SIGLEC12: variants seen among roughly 807,000 people sequenced by gnomAD.
The protein encoded by SIGLEC12 is sialic acid binding Ig like lectin 12.
Under a neutral mutation model 54.1 loss-of-function variants are expected in SIGLEC12, and 43 were observed. The observed-to-expected ratio is 0.80, with a 90% confidence interval of 0.62 to 1.03. The LOEUF (loss-of-function observed/expected upper bound fraction) is 1.03. Among genes scored for constraint, SIGLEC12 ranks in the 50% least tolerant of loss-of-function variants. The pLI, the probability that SIGLEC12 is intolerant of heterozygous loss-of-function variation, is 0.00. For missense variants in SIGLEC12, 802 were observed against 735.2 expected (o/e 1.09, Z -1.05); for synonymous variants, 357 against 307.6 (o/e 1.16, Z -1.68).
chr19:51,495,992 A>C (rs1210230952), intron 7 of SIGLEC12, among the ~76,000 whole-genome samples: 1 of 152,212 alleles, frequency 6.6e-6, no homozygotes, highest in Admixed American at 6.5e-5. Flanking sequence ...TGGTGATGAC[A>C]CTGGAGTCCA....
rs1990100623 is a variant in SIGLEC12 at position 51,491,583 on chromosome 19, G to A, written c.*58C>T. On this transcript the variant is annotated 3_prime_UTR_variant, in exon 8 of 8. Transcript: ENST00000291707. Reference sequence around the variant, plus strand: ...TGTTAATTCTAAAGGAATCAGTCTCGGGCTTCTTTGCTGCAGGGGTCGTGA... The same window carrying A: ...TGTTAATTCTAAAGGAATCAGTCTCAGGCTTCTTTGCTGCAGGGGTCGTGA... 2.6e-6 allele frequency: 4 copies of A among 1,525,404 alleles called. No individual in the cohort carries two copies. Among genetic ancestry groups the A allele is most frequent in the Non-Finnish European group, 3.6e-6 (4 of 1,102,156 alleles). The allele number at this position is 1,525,404 out of a possible 1,614,324, so 94.5% of individuals were successfully genotyped here.
rs1366797832 is a variant in SIGLEC12, at chr19:51,501,751, C to A, written c.-18G>T. ...AGTAGCATGTGTCGGGTTGGAGGTG[C>A]CAGGGTTGCTGAGGTAAGTCTGTTC... On this transcript the variant is annotated 5_prime_UTR_variant, in exon 1 of 8. Transcript: ENST00000291707. The A allele has an allele frequency of 6.3e-7, 1 of 1,580,290 alleles. No individual in the cohort carries two copies. The highest frequency in any genetic ancestry group is 2.3e-5 in the East Asian group (1 of 44,224).
intron 7 of SIGLEC12, 29 bp downstream of exon 7, chr19:51,496,851 A>T: frequency 6.2e-7 from 1 of 1,608,770 alleles, no homozygotes. Context: ...AAAGCAGGGG[A>T]GAAGGGCTGT....
At chr19:51,497,262 A>G (rs1430584421) in intron 6 of SIGLEC12, 87 bp downstream of exon 6, 1 of 1,254,712 alleles carries the variant, frequency 8.0e-7, no homozygotes, top group Non-Finnish European at 1.1e-6. Context: ...CTCTTGACCC[A>G]TCCAGGTCCT....
At position 51,501,417 on chromosome 19, in the gene SIGLEC12, AG is replaced by A; in HGVS notation, c.316del (p.Leu106Ter). ...LGDPQNKDCT[L>X]SIRDTRESDA... The stretch of plus-strand genomic sequence containing the variant: ...ACTCTCTCTGGTGTCTCTGATGCTC[AG>A]GGTACAATCCTTGTTCTGTGGGTCC... On this transcript the variant is annotated frameshift_variant, in exon 1 of 8. Coordinates refer to ENST00000291707, the MANE Select transcript of SIGLEC12 (RefSeq NM_053003.4). LOFTEE classifies it high-confidence loss of function. 6.2e-7 allele frequency: 1 copy of A among 1,614,184 alleles called. No individual in the cohort carries two copies. Among genetic ancestry groups the A allele is most frequent in the Non-Finnish European group, 8.5e-7 (1 of 1,180,022 alleles).
intron 4 of SIGLEC12, 28 bp from the exon 5 acceptor site, chr19:51,498,315 G>C: frequency 6.4e-7 from 1 of 1,565,602 alleles, no homozygotes; most frequent in East Asian, 2.3e-5. Context: ...GAAGGGCAGA[G>C]AGAGACAAAG....
At chr19:51,494,380 T>C (rs1306598697) in intron 7 of SIGLEC12, among the ~76,000 whole-genome samples, 3 of 152,034 alleles carry the variant, frequency 2.0e-5, no homozygotes, top group African/African-American at 7.2e-5. Context: ...TATTAGAAAA[T>C]GCAAATCAAA....
intron 7 of SIGLEC12, 55 bp downstream of exon 7, chr19:51,496,825 A>T: frequency 6.3e-7 from 1 of 1,592,618 alleles, no homozygotes; most frequent in Non-Finnish European, 8.6e-7. Context: ...ATCCCCTTCC[A>T]TGCCTGGCCT....
chr19:51,499,320 C>T (rs886408015), intron 3 of SIGLEC12, 103 bp from the exon 4 acceptor site: 6 of 1,573,080 alleles, frequency 3.8e-6, no homozygotes, highest in Non-Finnish European at 5.2e-6. Flanking sequence ...CCAGCATCCT[C>T]CTGACCCCCA....
Position 51,501,540 on chromosome 19 carries a change from C to G in SIGLEC12, c.194G>C (p.Arg65Pro), listed in dbSNP as rs201439034. The change falls in exon 1 of 8, where the codon CGG (arginine) becomes CCG (proline). Residue 65 changes from arginine (R) to proline (P), a missense_variant. Coordinates refer to ENST00000291707, the MANE Select transcript of SIGLEC12 (RefSeq NM_053003.4). ...GTTCCGGCTTACATGGTCCCCTGCC[C>G]GGAACCAGTAGCCATGAACTGGATC... ...ASDPVHGYWF[R>P]AGDHVSRNIP... 1.2e-6 allele frequency: 2 copies of G among 1,613,522 alleles called. No homozygotes were observed. The highest frequency in any genetic ancestry group is 1.7e-6 in the Non-Finnish European group (2 of 1,179,800).
At chr19:51,494,922 T>C (rs1401179415) in intron 7 of SIGLEC12, among the ~76,000 whole-genome samples, 1 of 152,162 alleles carries the variant, frequency 6.6e-6, no homozygotes, top group African/African-American at 2.4e-5. Context: ...GTCAAATTCA[T>C]AGGAAAATAA....
chr19:51,495,602 A>G (rs535072172), intron 7 of SIGLEC12, among the ~76,000 whole-genome samples: 34 of 152,338 alleles, frequency 2.2e-4, no homozygotes, highest in African/African-American at 7.9e-4. Context: ...TAAAGCATAT[A>G]TCTATCTTTA....
chr19:51,499,234 C>G lies in SIGLEC12; in HGVS notation c.1088-17G>C. Reference sequence around the variant, plus strand: ...GAGGAGGATCTGGAACAGAAAGACACGGAGTTCCCATCACTTTGAGGACTG... The same window carrying G: ...GAGGAGGATCTGGAACAGAAAGACAGGGAGTTCCCATCACTTTGAGGACTG... On this transcript the variant is annotated splice_polypyrimidine_tract_variant and intron_variant, in intron 3 of 7. Transcript: ENST00000291707. 1.2e-6 allele frequency: 2 copies of G among 1,613,696 alleles called. No homozygotes were observed. The highest frequency in any genetic ancestry group is 1.7e-6 in the Non-Finnish European group (2 of 1,179,738).
intron 7 of SIGLEC12, among the ~76,000 whole-genome samples, chr19:51,493,806 T>C (rs1222009994): frequency 6.6e-6 from 1 of 152,200 alleles, no homozygotes; most frequent in African/African-American, 2.4e-5. Context: ...GCCTCCTCTC[T>C]ATCTTCTCTG....
At chr19:51,493,587 C>A (rs1990159615) in intron 7 of SIGLEC12, among the ~76,000 whole-genome samples, 2 of 152,300 alleles carry the variant, frequency 1.3e-5, no homozygotes, top group South Asian at 4.1e-4. Flanking sequence ...ATCTTTTCTG[C>A]CTCAATGACT....
chr19:51,498,370 G>C, intron 4 of SIGLEC12, 83 bp from the exon 5 acceptor site: 2 of 1,214,406 alleles, frequency 1.6e-6, no homozygotes, highest in Non-Finnish European at 2.3e-6. Context: ...GTGGTGAATG[G>C]AACAGACACT....
chr19:51,501,295 C>A lies in SIGLEC12; in HGVS notation c.427+12G>T. Reference sequence around the variant, plus strand: ...CATTTGCCTTTGGCCTCTCTTGGAGCCCGTGCCTTACCTGTCACATTCACA... The same window carrying A: ...CATTTGCCTTTGGCCTCTCTTGGAGACCGTGCCTTACCTGTCACATTCACA... On this transcript the variant is annotated intron_variant, in intron 1 of 7. Coordinates refer to ENST00000291707, the MANE Select transcript of SIGLEC12 (RefSeq NM_053003.4). The A allele has an allele frequency of 1.2e-6, 2 of 1,613,454 alleles. No individual in the cohort carries two copies. The highest frequency in any genetic ancestry group is 1.7e-6 in the Non-Finnish European group (2 of 1,179,488).
intron 7 of SIGLEC12, among the ~76,000 whole-genome samples, chr19:51,492,095 G>A (rs1456810672): frequency 7.2e-5 from 11 of 152,104 alleles, no homozygotes; most frequent in Non-Finnish European, 1.0e-4. Context: ...AGGTAGAAAT[G>A]GTTAAGTACC....
At chr19:51,495,779 T>C (rs1255499945) in intron 7 of SIGLEC12, among the ~76,000 whole-genome samples, 1 of 152,154 alleles carries the variant, frequency 6.6e-6, no homozygotes, top group Non-Finnish European at 1.5e-5. Flanking sequence ...CCTGAATGAA[T>C]TAATGAATGA....
Sources: allele counts gnomAD v4.1 joint callset (sites outside exome capture counted in the v4.1 genomes callset), GRCh38; gene constraint gnomAD v4.1.1; transcripts MANE v1.5; gene names NCBI Gene and HGNC (gene_info 2026-07-23, HGNC 2026-07-21).